The following ITGB6 variants were observed in gnomAD, a reference collection of about 807,000 sequenced individuals.
ITGB6 encodes integrin beta-6.
Under a neutral mutation model 84.5 loss-of-function variants are expected in ITGB6, and 80 were observed. That is an observed-to-expected ratio of 0.95 (90% CI 0.79 to 1.14). The LOEUF (loss-of-function observed/expected upper bound fraction) is 1.14, where lower values mean the gene tolerates loss of function less well. Among genes scored for constraint, ITGB6 ranks in the 50% most tolerant of loss-of-function variants. ITGB6 has a pLI of 0.00. For synonymous variants in ITGB6, 383 were observed against 354.9 expected (o/e 1.08, Z -0.89); for missense variants, 1,006 against 968.0 (o/e 1.04, Z -0.52).
rs1686304822 is a variant in ITGB6 at position 160,195,598 on chromosome 2, G to A, written c.364C>T (p.Gln122Ter). The change falls in exon 4 of 15, where the codon CAG (glutamine) becomes TAG (stop). Residue 122 changes from glutamine to a stop codon, truncating the protein, a stop_gained. Coordinates refer to ENST00000283249, the MANE Select transcript of ITGB6 (RefSeq NM_000888.5). LOFTEE classifies it high-confidence loss of function. ...KLRPGGAQTL[Q>*]VHVRQTEDYP... ...TCCTCAGTCTGGCGGACATGCACCT[G>A]CAGAGTCTGCGCACCACCTGCAAAG... 1.9e-6 allele frequency: 3 copies of A among 1,613,858 alleles called. No homozygotes were observed. The highest frequency in any genetic ancestry group is 2.7e-5 in the African/African-American group (2 of 74,902).
At chr2:160,110,996 C>T (rs1019429147) in intron 13 of ITGB6, among the ~76,000 whole-genome samples, 1 of 152,130 alleles carries the variant, frequency 6.6e-6, no homozygotes, top group Non-Finnish European at 1.5e-5. Flanking sequence ...GATAATAACA[C>T]GCCATAATAA....
At chr2:160,190,634 C>A (rs184370526) in intron 4 of ITGB6, among the ~76,000 whole-genome samples, 230 of 152,270 alleles carry the variant, frequency 1.5e-3, no homozygotes, top group African/African-American at 5.2e-3. Flanking sequence ...ATAGTTGGAA[C>A]TCAGTAAATT....
At chr2:160,161,497 G>T (rs1362035850) in intron 7 of ITGB6, among the ~76,000 whole-genome samples, 1 of 151,990 alleles carries the variant, frequency 6.6e-6, no homozygotes, top group African/African-American at 2.4e-5. Flanking sequence ...CACCATGTTG[G>T]CCAGGCTGTT....
At chr2:160,122,954 A>G (rs558436615) in intron 12 of ITGB6, among the ~76,000 whole-genome samples, 1 of 152,346 alleles carries the variant, frequency 6.6e-6, no homozygotes, top group Admixed American at 6.5e-5. Context: ...TAATGTGTGC[A>G]GAGTAGCAAT....
Position 160,172,732 on chromosome 2 carries a change from T to A in ITGB6, c.760-2A>T, listed in dbSNP as rs1364450918. The A allele has an allele frequency of 1.3e-6, 2 of 1,591,054 alleles. No homozygotes were observed. The highest frequency in any genetic ancestry group is 8.6e-7 in the Non-Finnish European group (1 of 1,160,518). On this transcript the variant is annotated splice_acceptor_variant, in intron 5 of 14. Coordinates refer to ENST00000283249, the MANE Select transcript of ITGB6 (RefSeq NM_000888.5). LOFTEE classifies it high-confidence loss of function. ...GTCATTCCGCCAGCCAATTTTTTCCTACAGTGAGAAAGAAACATTTGTGTG... is the reference window on the plus strand; with the variant it reads ...GTCATTCCGCCAGCCAATTTTTTCCAACAGTGAGAAAGAAACATTTGTGTG...
intron 7 of ITGB6, among the ~76,000 whole-genome samples, chr2:160,154,602 A>G (rs924623546): frequency 6.6e-6 from 1 of 152,146 alleles, no homozygotes; most frequent in African/African-American, 2.4e-5. Context: ...TTGAACACTT[A>G]TGTCCACACA....
chr2:160,163,741 A>C (rs999958542), intron 7 of ITGB6, among the ~76,000 whole-genome samples: 1 of 152,142 alleles, frequency 6.6e-6, no homozygotes, highest in African/African-American at 2.4e-5. Context: ...TTCAATTGTG[A>C]GTTATCTCAG....
chr2:160,170,748 C>T (rs1273098620), intron 6 of ITGB6, among the ~76,000 whole-genome samples: 3 of 152,190 alleles, frequency 2.0e-5, no homozygotes, highest in Non-Finnish European at 4.4e-5. Context: ...GGCATAGATA[C>T]GGTCTCTGGC....
chr2:160,102,316 G>C (rs1165137365), intron 14 of ITGB6, among the ~76,000 whole-genome samples: 1 of 152,216 alleles, frequency 6.6e-6, no homozygotes, highest in Non-Finnish European at 1.5e-5. Context: ...CTCATGAGAG[G>C]CATCAAAGAA....
chr2:160,114,068 T>A (rs1682653630), intron 12 of ITGB6, among the ~76,000 whole-genome samples: 1 of 152,198 alleles, frequency 6.6e-6, no homozygotes. Context: ...ACCATGTTTT[T>A]AAAAATTTTC....
At chr2:160,180,451 A>G (rs563311224) in intron 4 of ITGB6, among the ~76,000 whole-genome samples, 116 of 152,156 alleles carry the variant, frequency 7.6e-4, no homozygotes, top group African/African-American at 2.7e-3. Context: ...TTTTATTTTT[A>G]TTTGTATTTA....
intron 4 of ITGB6, among the ~76,000 whole-genome samples, chr2:160,180,064 G>T (rs1574128794): frequency 6.9e-6 from 1 of 144,370 alleles, no homozygotes; most frequent in Non-Finnish European, 1.5e-5. Context: ...AATGAGCCAA[G>T]ATCATGCCAT....
chr2:160,187,572 G>A (rs1168240636), intron 4 of ITGB6, among the ~76,000 whole-genome samples: 5 of 151,996 alleles, frequency 3.3e-5, no homozygotes, highest in Non-Finnish European at 5.9e-5. Context: ...TTTTGAAAAA[G>A]GCAAAAGATT....
At chr2:160,163,429 C>T (rs1684890373) in intron 7 of ITGB6, among the ~76,000 whole-genome samples, 2 of 152,048 alleles carry the variant, frequency 1.3e-5, no homozygotes, top group Non-Finnish European at 1.5e-5. Flanking sequence ...ATCAGGAGTT[C>T]GAGACCAGTC....
At chr2:160,160,744 A>G (rs1327712362) in intron 7 of ITGB6, among the ~76,000 whole-genome samples, 1 of 152,228 alleles carries the variant, frequency 6.6e-6, no homozygotes, top group African/African-American at 2.4e-5. Context: ...AGACTCCTGC[A>G]TAGTGATACA....
intron 7 of ITGB6, among the ~76,000 whole-genome samples, chr2:160,157,419 T>C (rs912094715): frequency 1.3e-5 from 2 of 152,178 alleles, no homozygotes; most frequent in Admixed American, 6.5e-5. Flanking sequence ...ACAGATGTAA[T>C]ACATGGTAGA....
chr2:160,192,856 A>T (rs1686194960), intron 4 of ITGB6, among the ~76,000 whole-genome samples: 1 of 152,160 alleles, frequency 6.6e-6, no homozygotes, highest in Non-Finnish European at 1.5e-5. Flanking sequence ...AAAATAAGAA[A>T]TAAGAATGGC....
rs761256536 is a variant in ITGB6, at chr2:160,126,474, G to A, written c.1788C>T (p.Asp596=). ...TGCAAACACACTTGCCACAAACACA[G>A]TCCCCGCGCCCGCTGCAGAGCACTC... ...EDGVLCSGRG[D]CVCGKCVCTN... The change falls in exon 11 of 15, where the codon GAC becomes GAT. Residue 596 remains aspartate (D), a synonymous_variant. Coordinates refer to ENST00000283249, the MANE Select transcript of ITGB6 (RefSeq NM_000888.5). The A allele has an allele frequency of 7.6e-5, 122 of 1,614,066 alleles. No individual in the cohort carries two copies. Among genetic ancestry groups the A allele is most frequent in the Non-Finnish European group, 3.4e-6 (4 of 1,180,040 alleles).
At chr2:160,102,467 T>C (rs1200722788) in intron 14 of ITGB6, among the ~76,000 whole-genome samples, 3 of 152,180 alleles carry the variant, frequency 2.0e-5, no homozygotes, top group Admixed American at 2.0e-4. Flanking sequence ...TTGCTTACTA[T>C]GTACAACACT....
Sources: gnomAD v4.1 joint callset for allele counts (sites outside exome capture counted in the v4.1 genomes callset) on GRCh38, gnomAD v4.1.1 for gene constraint, MANE v1.5 for transcripts, NCBI Gene and HGNC (gene_info 2026-07-23, HGNC 2026-07-21) for gene names.